MKLN1: variants seen among roughly 807,000 people sequenced by gnomAD.
MKLN1 encodes the protein muskelin.
Under a neutral mutation model 99.0 loss-of-function variants are expected in MKLN1, and 18 were observed. That is an observed-to-expected ratio of 0.18 (90% CI 0.13 to 0.27). The LOEUF is 0.27. Ranked by LOEUF, MKLN1 falls within the 10% of genes least tolerant of loss-of-function variation. MKLN1 has a pLI of 1.00. For synonymous variants in MKLN1, 288 were observed against 293.2 expected (o/e 0.98, Z 0.18); for missense variants, 621 against 875.9 (o/e 0.71, Z 3.67).
At position 131,133,304 on chromosome 7, in the gene MKLN1, CTTTTTTA is replaced by C. The variant is rs911859255; in HGVS notation, c.-418-9504_-418-9498del. Among the ~76,000 whole-genome samples, 38 of 146,814 alleles carry C rather than the reference CTTTTTTA, an allele frequency of 2.6e-4. No individual in the cohort carries two copies. The South Asian group carries it at 2.6e-3, about 10-fold the overall frequency. Reference sequence around the variant, plus strand: ...CACTCAAGCCACTCCAGGCTGACTTCTTTTTTATTTTTTATTTTAATTTTAATTTTTT... The same window carrying C: ...CACTCAAGCCACTCCAGGCTGACTTCTTTTTTATTTTAATTTTAATTTTTT... On this transcript the variant is annotated intron_variant, in intron 1 of 7. Coordinates refer to the MKLN1 transcript ENST00000416992.
rs143540580 is a variant in MKLN1, at chr7:131,301,073, C to G, written c.-178-74351C>G. Among the ~76,000 whole-genome samples, 1,391 of 152,240 alleles carry G rather than the reference C, an allele frequency of 9.1e-3. 15 individuals are homozygous for G. The highest frequency in any genetic ancestry group is 0.012 in the Non-Finnish European group (809 of 68,006). On this transcript the variant is annotated intron_variant, in intron 3 of 7. Coordinates refer to the MKLN1 transcript ENST00000416992. Reference sequence around the variant, plus strand: ...ACATAGACATCTTTTGAGGAACGTACAAAAATGTTGATACCTATGGTAGAT... The same window carrying G: ...ACATAGACATCTTTTGAGGAACGTAGAAAAATGTTGATACCTATGGTAGAT...
At chr7:131,183,665 T>C (rs546290622) in intron 2 of MKLN1, among the ~76,000 whole-genome samples, 2 of 152,290 alleles carry the variant, frequency 1.3e-5, no homozygotes, top group African/African-American at 4.8e-5. Context: ...GAAAAATGTA[T>C]GTGCAGGTGC....
chr7:131,215,661 C>T (rs998566698), intron 3 of MKLN1, among the ~76,000 whole-genome samples: 4 of 152,176 alleles, frequency 2.6e-5, no homozygotes, highest in African/African-American at 9.7e-5. Context: ...ATTTTATTTT[C>T]AGATAGTCTG....
upstream of MKLN1, chr7:131,327,723 G>C (rs1030843820): frequency 8.5e-7 from 1 of 1,176,564 alleles, no homozygotes; most frequent in African/African-American, 1.6e-5. Context: ...CAAGGAGCGA[G>C]CGACGTGGGA....
chr7:131,327,767 C>G (rs550371915), upstream of MKLN1: 708 of 1,420,124 alleles, frequency 5.0e-4, 4 homozygotes, highest in Non-Finnish European at 4.8e-4. Flanking sequence ...CGGCGCTGGG[C>G]TCGGGTAACG....
intron 15 of MKLN1, among the ~76,000 whole-genome samples, chr7:131,466,929 G>A (rs932196909): frequency 8.6e-5 from 13 of 151,572 alleles, no homozygotes; most frequent in South Asian, 4.2e-4. Context: ...ACACACGCGC[G>A]CGCGCGCACA....
intron 2 of MKLN1, among the ~76,000 whole-genome samples, chr7:131,186,062 C>T (rs533593064): frequency 1.3e-5 from 2 of 152,006 alleles, no homozygotes; most frequent in South Asian, 2.1e-4. Flanking sequence ...CATAGTGGCA[C>T]GCGCCTGTAA....
intron 3 of MKLN1, among the ~76,000 whole-genome samples, chr7:131,388,174 A>G (rs1263282466): frequency 6.6e-6 from 1 of 151,498 alleles, no homozygotes; most frequent in East Asian, 1.9e-4. Flanking sequence ...CTCAAAAACA[A>G]AAACAAAAAC....
At position 131,388,991 on chromosome 7, in the gene MKLN1, G is replaced by A. The variant is rs1401535845; in HGVS notation, c.400+19G>A. 6.5e-7 allele frequency: 1 copy of A among 1,531,224 alleles called. No homozygotes were observed. The highest frequency in any genetic ancestry group is 9.0e-7 in the Non-Finnish European group (1 of 1,114,494). The allele number at this position is 1,531,224 out of a possible 1,614,324, so 94.9% of individuals were successfully genotyped here. A position where few individuals can be genotyped will look rare whatever the true frequency, so the allele number is the denominator to read the frequency against. On this transcript the variant is annotated intron_variant, in intron 4 of 17. Transcript: ENST00000352689. ...AAAATAGGTAAGATTTTAGCATTCT[G>A]AAATAGAAACAAATTCTTGATATCA...
At chr7:131,141,053 G>A (rs1795725150) in intron 1 of MKLN1, among the ~76,000 whole-genome samples, 1 of 152,030 alleles carries the variant, frequency 6.6e-6, no homozygotes, top group Non-Finnish European at 1.5e-5. Flanking sequence ...CAAAGTGCTG[G>A]GATTACAGGT....
At chr7:131,355,303 T>C (rs1799839816) in intron 1 of MKLN1, among the ~76,000 whole-genome samples, 1 of 152,262 alleles carries the variant, frequency 6.6e-6, no homozygotes, top group South Asian at 2.1e-4. Flanking sequence ...TCAGCCTTAT[T>C]TGTTGTATGG....
At chr7:131,208,047 C>T (rs762875764) in intron 3 of MKLN1, among the ~76,000 whole-genome samples, 1 of 152,090 alleles carries the variant, frequency 6.6e-6, no homozygotes, top group Non-Finnish European at 1.5e-5. Flanking sequence ...TTTCAATTGT[C>T]CCAGACCTTC....
At chr7:131,252,966 A>C (rs920757047) in intron 3 of MKLN1, among the ~76,000 whole-genome samples, 1 of 152,206 alleles carries the variant, frequency 6.6e-6, no homozygotes, top group African/African-American at 2.4e-5. Context: ...TGTTGTTAGC[A>C]GTCAAGAAAA....
intron 17 of MKLN1, chr7:131,478,933 CA>C: frequency 1.9e-6 from 1 of 520,024 alleles, no homozygotes; most frequent in Non-Finnish European, 3.4e-6. Flanking sequence ...GAAACACAGT[CA>C]AAATAAATTA....
At chr7:131,376,567 A>G (rs953670011) in intron 2 of MKLN1, among the ~76,000 whole-genome samples, 1 of 150,980 alleles carries the variant, frequency 6.6e-6, no homozygotes, top group African/African-American at 2.4e-5. Flanking sequence ...GTTTGAACCC[A>G]GGAGGCAGAG....
At chr7:131,252,719 G>A (rs1433382681) in intron 3 of MKLN1, among the ~76,000 whole-genome samples, 1 of 152,142 alleles carries the variant, frequency 6.6e-6, no homozygotes, top group Non-Finnish European at 1.5e-5. Flanking sequence ...GAAAACTAGA[G>A]AAAGAGCTAA....
chr7:131,242,689 C>A, intron 3 of MKLN1: 1 of 642,072 alleles, frequency 1.6e-6, no homozygotes. Context: ...GATGATGGTA[C>A]CTTAGATCGC....
At chr7:131,161,771 C>T (rs963871929) in intron 2 of MKLN1, among the ~76,000 whole-genome samples, 2 of 151,652 alleles carry the variant, frequency 1.3e-5, no homozygotes, top group Admixed American at 6.6e-5. Flanking sequence ...GATCTCCTGA[C>T]CTCGTGATCC....
chr7:131,415,472 C>T (rs1794991547), intron 8 of MKLN1, among the ~76,000 whole-genome samples: 1 of 152,028 alleles, frequency 6.6e-6, no homozygotes, highest in South Asian at 2.1e-4. Flanking sequence ...AATGTAGACA[C>T]TAAGTCTTCT....
Sources: allele counts gnomAD v4.1 joint callset (sites outside exome capture counted in the v4.1 genomes callset), GRCh38; gene constraint gnomAD v4.1.1; transcripts MANE v1.5; gene names NCBI Gene and HGNC (gene_info 2026-07-23, HGNC 2026-07-21).